The following AGBL4 variants were observed in gnomAD, a reference collection of about 807,000 sequenced individuals.
AGBL4 encodes the protein cytosolic carboxypeptidase 6.
In AGBL4, 58 loss-of-function variants were observed where a neutral mutation model predicts 66.4. That is an observed-to-expected ratio of 0.87 (90% CI 0.71 to 1.09). The LOEUF (loss-of-function observed/expected upper bound fraction) is 1.09, where lower values mean the gene tolerates loss of function less well. Among genes scored for constraint, AGBL4 ranks in the 50% least tolerant of loss-of-function variants. The pLI is 0.00. For missense variants in AGBL4, 579 were observed against 631.0 expected (o/e 0.92, Z 0.88); for synonymous variants, 234 against 222.9 (o/e 1.05, Z -0.44).
chr1:48,753,751 G>A (rs768593028), intron 6 of AGBL4, among the ~76,000 whole-genome samples: 1 of 152,104 alleles, frequency 6.6e-6, no homozygotes, highest in Non-Finnish European at 1.5e-5. Context: ...TAAGACTATC[G>A]GAATTGTCCA....
At chr1:48,606,122 G>C (rs1645150408) in intron 9 of AGBL4, among the ~76,000 whole-genome samples, 1 of 151,308 alleles carries the variant, frequency 6.6e-6, no homozygotes, top group Non-Finnish European at 1.5e-5. Flanking sequence ...AGAGCCTTAA[G>C]ACAAAATAGT....
intron 3 of AGBL4, among the ~76,000 whole-genome samples, chr1:49,335,131 C>G (rs1645407977): frequency 6.6e-6 from 1 of 152,218 alleles, no homozygotes; most frequent in Non-Finnish European, 1.5e-5. Flanking sequence ...ATATCATTCT[C>G]AAAATCTGCT....
intron 5 of AGBL4, among the ~76,000 whole-genome samples, chr1:49,011,508 T>A (rs1480202232): frequency 1.3e-5 from 2 of 152,212 alleles, no homozygotes; most frequent in African/African-American, 2.4e-5. Flanking sequence ...AAATACCATT[T>A]AACCCTGCCA....
intron 3 of AGBL4, among the ~76,000 whole-genome samples, chr1:49,466,225 C>G (rs187985752): frequency 6.6e-6 from 1 of 151,860 alleles, no homozygotes; most frequent in South Asian, 2.1e-4. Flanking sequence ...AATCTATGTT[C>G]TTGAGAATCA....
rs912459189 is a variant in AGBL4, at chr1:49,146,206, T to C, written c.377+99564A>G. Among the ~76,000 whole-genome samples the C allele has an allele frequency of 2.6e-5, 4 of 152,170 alleles. No homozygotes were observed. The East Asian group carries it at 7.7e-4, about 29-fold the overall frequency. Reference sequence around the variant, plus strand: ...ACTGGATAATGCAACAAGGTGACTATAGTCAATAATAATTTAATTGTACAT... The same window carrying C: ...ACTGGATAATGCAACAAGGTGACTACAGTCAATAATAATTTAATTGTACAT... On this transcript the variant is annotated intron_variant, in intron 4 of 13. Coordinates refer to ENST00000371839, the MANE Select transcript of AGBL4 (RefSeq NM_032785.4).
At chr1:48,858,980 G>C (rs1367353736) in intron 6 of AGBL4, among the ~76,000 whole-genome samples, 1 of 151,766 alleles carries the variant, frequency 6.6e-6, no homozygotes, top group Non-Finnish European at 1.5e-5. Context: ...CTTCCCTATG[G>C]GAAGATTGCA....
chr1:49,436,307 G>T (rs191262303), intron 3 of AGBL4, among the ~76,000 whole-genome samples: 1 of 152,170 alleles, frequency 6.6e-6, no homozygotes, highest in East Asian at 1.9e-4. Flanking sequence ...GAAATATCAA[G>T]ATTAAATAAA....
At chr1:49,897,225 C>T (rs1649312800) in intron 1 of AGBL4, among the ~76,000 whole-genome samples, 1 of 151,852 alleles carries the variant, frequency 6.6e-6, no homozygotes, top group South Asian at 2.1e-4. Flanking sequence ...AGGACTCCAC[C>T]AGAAAACTAT....
chr1:49,194,895 T>G (rs1647197530), intron 4 of AGBL4, among the ~76,000 whole-genome samples: 1 of 152,018 alleles, frequency 6.6e-6, no homozygotes, highest in Non-Finnish European at 1.5e-5. Context: ...TAGACTGCAG[T>G]GGTGTGATAA....
At chr1:49,066,759 A>G (rs958727264) in intron 4 of AGBL4, among the ~76,000 whole-genome samples, 2 of 152,214 alleles carry the variant, frequency 1.3e-5, no homozygotes, top group African/African-American at 2.4e-5. Flanking sequence ...CCCTGGGAGC[A>G]GCAAAGCCTT....
intron 3 of AGBL4, chr1:49,691,256 C>T (rs1646880687): frequency 6.6e-6 from 1 of 152,226 alleles, no homozygotes; most frequent in Non-Finnish European, 1.5e-5. Context: ...GGGCAGATGT[C>T]CAGTCTCAGA....
At chr1:49,544,727 G>A (rs192093053) in intron 3 of AGBL4, among the ~76,000 whole-genome samples, 2 of 152,296 alleles carry the variant, frequency 1.3e-5, no homozygotes, top group East Asian at 3.9e-4. Context: ...GTTCAGATTA[G>A]TCTGGTGTAC....
chr1:49,476,900 G>C (rs927220601), intron 3 of AGBL4, among the ~76,000 whole-genome samples: 1 of 151,992 alleles, frequency 6.6e-6, no homozygotes, highest in African/African-American at 2.4e-5. Flanking sequence ...CCTTGGGCCT[G>C]AAGATAAAAT....
At chr1:48,671,546 C>T (rs1646276557) in intron 6 of AGBL4, among the ~76,000 whole-genome samples, 1 of 152,232 alleles carries the variant, frequency 6.6e-6, no homozygotes, top group South Asian at 2.1e-4. Flanking sequence ...TTCATTTTCT[C>T]ATCTGCAAAA....
At chr1:49,692,879 T>A (rs556315037) in intron 3 of AGBL4, among the ~76,000 whole-genome samples, 1 of 152,202 alleles carries the variant, frequency 6.6e-6, no homozygotes, top group South Asian at 2.1e-4. Flanking sequence ...TTTTTTAAAA[T>A]CTCCTATTAC....
intron 3 of AGBL4, among the ~76,000 whole-genome samples, chr1:49,647,573 T>G (rs923511475): frequency 1.3e-5 from 2 of 152,166 alleles, no homozygotes; most frequent in Non-Finnish European, 2.9e-5. Context: ...CTACCAGGTC[T>G]TCTTGGTGAA....
intron 3 of AGBL4, among the ~76,000 whole-genome samples, chr1:49,449,195 C>T (rs543203492): frequency 6.6e-6 from 1 of 152,098 alleles, no homozygotes; most frequent in East Asian, 1.9e-4. Context: ...TAAATTTATA[C>T]ATGCAGTAAG....
At chr1:49,008,071 C>T (rs1282710166) in intron 5 of AGBL4, among the ~76,000 whole-genome samples, 2 of 152,098 alleles carry the variant, frequency 1.3e-5, no homozygotes, top group Non-Finnish European at 2.9e-5. Context: ...CAATAAAAGA[C>T]ACAGACTGGC....
intron 3 of AGBL4, among the ~76,000 whole-genome samples, chr1:49,335,342 C>T (rs1645412428): frequency 6.6e-6 from 1 of 152,178 alleles, no homozygotes; most frequent in Non-Finnish European, 1.5e-5. Flanking sequence ...TACCATTTCT[C>T]ATCTGGACCA....
Sources: allele counts gnomAD v4.1 joint callset (sites outside exome capture counted in the v4.1 genomes callset), GRCh38; gene constraint gnomAD v4.1.1; transcripts MANE v1.5; gene names NCBI Gene and HGNC (gene_info 2026-07-23, HGNC 2026-07-21).